C18orf63: variants seen among roughly 807,000 people sequenced by gnomAD.
The protein encoded by C18orf63 is uncharacterized protein C18orf63.
Under a neutral mutation model 75.3 loss-of-function variants are expected in C18orf63, and 50 were observed. The observed-to-expected ratio is 0.66, with a 90% CI of 0.53 to 0.84. The LOEUF (loss-of-function observed/expected upper bound fraction) is 0.84. C18orf63 is among the 40% of genes least tolerant of loss of function. The pLI, the probability that C18orf63 is intolerant of heterozygous loss-of-function variation, is 0.00. For synonymous variants in C18orf63, 232 were observed against 267.6 expected (o/e 0.87, Z 1.30); for missense variants, 732 against 800.2 (o/e 0.91, Z 1.03).
intron 11 of C18orf63, among the ~76,000 whole-genome samples, chr18:74,350,687 C>T (rs1435496483): frequency 6.6e-6 from 1 of 152,168 alleles, no homozygotes; most frequent in Non-Finnish European, 1.5e-5. Flanking sequence ...CTCAGCTGAG[C>T]AATGTCAAGG....
intron 11 of C18orf63, among the ~76,000 whole-genome samples, chr18:74,351,536 C>T (rs1340512268): frequency 6.6e-6 from 1 of 152,188 alleles, no homozygotes; most frequent in Non-Finnish European, 1.5e-5. Context: ...CAGCATCACG[C>T]ATCACATGTG....
Position 74,329,033 on chromosome 18 carries a change from G to C in C18orf63, c.421G>C (p.Val141Leu), listed in dbSNP as rs190419751. The C allele has an allele frequency of 6.7e-7, 1 of 1,500,828 alleles. No homozygotes were observed. The highest frequency in any genetic ancestry group is 2.0e-5 in the Admixed American group (1 of 50,914). 93.0% of individuals were successfully genotyped at this position (1,500,828 alleles called of 1,614,324 possible). A position where few individuals can be genotyped will look rare whatever the true frequency, so the allele number is the denominator to read the frequency against. The change falls in exon 6 of 14, where the codon GTT (valine) becomes CTT (leucine). Residue 141 changes from valine to leucine, a missense_variant. Physicochemically the swap from Val to Leu is conservative, Grantham distance 32. Transcript: ENST00000579455. ...FLSQMGKQSA[V>L]VLNINVTETQ... Reference sequence around the variant, plus strand: ...TTCTCAGATGGGAAAACAAAGTGCTGTTGGTAAGTAAAAATGCATAAGTCA... The same window carrying C: ...TTCTCAGATGGGAAAACAAAGTGCTCTTGGTAAGTAAAAATGCATAAGTCA...
intron 4 of C18orf63, 72 bp from the exon 5 acceptor site, chr18:74,327,875 A>G: frequency 3.4e-6 from 3 of 893,918 alleles, no homozygotes; most frequent in Non-Finnish European, 3.5e-6. Flanking sequence ...ATGGGCAGTC[A>G]TTTCCTATTA....
intron 7 of C18orf63, among the ~76,000 whole-genome samples, chr18:74,331,805 G>A (rs1219563803): frequency 2.0e-5 from 3 of 152,086 alleles, no homozygotes; most frequent in Non-Finnish European, 4.4e-5. Flanking sequence ...CATCATTTAA[G>A]GGCCAACTCA....
rs1468549999 is a variant in C18orf63 at position 74,330,308 on chromosome 18, A to G, written c.425-558A>G. Among the ~76,000 whole-genome samples the G allele has an allele frequency of 4.6e-5, 7 of 152,270 alleles. No individual in the cohort carries two copies. In the East Asian group the frequency reaches 1.3e-3, roughly 29 times the overall value. ...AGAAACAACATTAAGAGCACCCCAG[A>G]ATCCCCCTCATGCTTTTTTCATGTA... is the stretch of plus-strand genomic sequence containing the variant. On this transcript the variant is annotated intron_variant, in intron 6 of 13. Coordinates refer to ENST00000579455, the MANE Select transcript of C18orf63 (RefSeq NM_001174123.2).
intron 5 of C18orf63, among the ~76,000 whole-genome samples, chr18:74,328,282 G>C (rs1406940049): frequency 6.6e-6 from 1 of 152,190 alleles, no homozygotes; most frequent in Non-Finnish European, 1.5e-5. Context: ...GCAGGCAAGA[G>C]AGCATGCTCA....
intron 6 of C18orf63, among the ~76,000 whole-genome samples, chr18:74,329,270 G>C (rs1984262074): frequency 6.6e-6 from 1 of 151,484 alleles, no homozygotes; most frequent in Admixed American, 6.6e-5. Flanking sequence ...GTCTACTTGG[G>C]AGGCTGAAGT....
intron 7 of C18orf63, 63 bp downstream of exon 7, chr18:74,331,005 T>G: frequency 3.1e-6 from 2 of 636,572 alleles, no homozygotes. Flanking sequence ...TATTTATTAT[T>G]GTTACTAACG....
intron 6 of C18orf63, 140 bp from the exon 7 acceptor site, chr18:74,330,726 A>G (rs1338747891): frequency 6.6e-6 from 3 of 455,548 alleles, no homozygotes; most frequent in African/African-American, 2.1e-5. Context: ...AGTGGTTATT[A>G]TTTGAATTTT....
intron 11 of C18orf63, among the ~76,000 whole-genome samples, chr18:74,352,789 TA>T (rs1377787722): frequency 6.6e-6 from 1 of 152,250 alleles, no homozygotes; most frequent in East Asian, 1.9e-4. Context: ...TACCTTGTAA[TA>T]TTTTTTTGTG....
At chr18:74,345,501 AG>A (rs1240914962) in intron 11 of C18orf63, among the ~76,000 whole-genome samples, 2 of 152,150 alleles carry the variant, frequency 1.3e-5, no homozygotes, top group African/African-American at 4.8e-5. Context: ...ATCCAATAAA[AG>A]GTTGTTTTGC....
intron 11 of C18orf63, 37 bp from the exon 12 acceptor site, chr18:74,353,209 A>G: frequency 7.6e-7 from 1 of 1,313,290 alleles, no homozygotes; most frequent in Non-Finnish European, 1.0e-6. Context: ...GACATTATTA[A>G]CATTTTAAAT....
At chr18:74,328,296 G>A (rs1984243374) in intron 5 of C18orf63, among the ~76,000 whole-genome samples, 1 of 152,130 alleles carries the variant, frequency 6.6e-6, no homozygotes, top group African/African-American at 2.4e-5. Context: ...ATGCTCATGG[G>A]AACTCCCCTT....
At chr18:74,331,433 C>G (rs948784508) in intron 7 of C18orf63, among the ~76,000 whole-genome samples, 10 of 152,216 alleles carry the variant, frequency 6.6e-5, no homozygotes, top group Non-Finnish European at 1.5e-5. Flanking sequence ...AGCATAGAAC[C>G]TTACACACTA....
intron 2 of C18orf63, among the ~76,000 whole-genome samples, chr18:74,318,427 G>A (rs1002826383): frequency 5.3e-5 from 8 of 152,124 alleles, no homozygotes; most frequent in African/African-American, 1.4e-4. Flanking sequence ...TCTCAAGTCA[G>A]TATGAGACAC....
chr18:74,330,615 T>A (rs989649405), intron 6 of C18orf63, among the ~76,000 whole-genome samples: 1 of 152,148 alleles, frequency 6.6e-6, no homozygotes, highest in Non-Finnish European at 1.5e-5. Context: ...TCATTTTTTT[T>A]ATTCTAACCT....
chr18:74,327,846 T>A (rs538077039), intron 4 of C18orf63, 101 bp from the exon 5 acceptor site: 1 of 685,772 alleles, frequency 1.5e-6, no homozygotes, highest in South Asian at 1.8e-5. Flanking sequence ...ACACCCGAGT[T>A]TGTTGGGTGG....
intron 4 of C18orf63, among the ~76,000 whole-genome samples, chr18:74,324,518 A>T (rs543977158): frequency 1.5e-3 from 234 of 152,306 alleles, no homozygotes; most frequent in African/African-American, 5.5e-3. Flanking sequence ...TGGTTTTGTT[A>T]TATGTCATTT....
At chr18:74,329,142 G>T (rs1541292) in intron 6 of C18orf63, 106 bp downstream of exon 6, 1 of 700,334 alleles carries the variant, frequency 1.4e-6, no homozygotes, top group Non-Finnish European at 2.4e-6. Flanking sequence ...TAATCCCAAC[G>T]GTTTGGGAGG....
Sources: allele counts gnomAD v4.1 joint callset (sites outside exome capture counted in the v4.1 genomes callset), GRCh38; gene constraint gnomAD v4.1.1; transcripts MANE v1.5; gene names NCBI Gene and HGNC (gene_info 2026-07-23, HGNC 2026-07-21).